SH3RF1: variants seen among roughly 807,000 people sequenced by gnomAD.
The protein encoded by SH3RF1 is E3 ubiquitin-protein ligase SH3RF1.
Under a neutral mutation model 74.0 loss-of-function variants are expected in SH3RF1, and 32 were observed. The ratio of observed to expected loss-of-function variants is 0.43; its 90% CI spans 0.33 to 0.58. The LOEUF is 0.58. SH3RF1 is among the 20% of genes least tolerant of loss of function. The pLI is 0.05. For missense variants in SH3RF1, 954 were observed against 1,130.9 expected (o/e 0.84, Z 2.24); for synonymous variants, 396 against 439.6 (o/e 0.90, Z 1.24).
chr4:169,097,895 G>A (rs771417625), intron 11 of SH3RF1, among the ~76,000 whole-genome samples: 1 of 152,198 alleles, frequency 6.6e-6, no homozygotes, highest in Admixed American at 6.5e-5. Context: ...CATGTTGTGA[G>A]GACACTCAAC....
chr4:169,103,330 T>C (rs566537846), intron 11 of SH3RF1, among the ~76,000 whole-genome samples: 1 of 152,252 alleles, frequency 6.6e-6, no homozygotes, highest in African/African-American at 2.4e-5. Context: ...TCCTACCTCA[T>C]AGTGTCCCAA....
chr4:169,206,233 T>C (rs1730254714), intron 2 of SH3RF1, among the ~76,000 whole-genome samples: 2 of 152,356 alleles, frequency 1.3e-5, no homozygotes, highest in African/African-American at 4.8e-5. Context: ...CTTCTAAATA[T>C]TTGAAAATGA....
At chr4:169,123,622 T>C (rs563300188) in intron 6 of SH3RF1, among the ~76,000 whole-genome samples, 3 of 152,340 alleles carry the variant, frequency 2.0e-5, no homozygotes, top group Admixed American at 2.0e-4. Context: ...GCAGGCGCAG[T>C]GGCTCACGCC....
chr4:169,191,145 C>T (rs185968145), intron 2 of SH3RF1, among the ~76,000 whole-genome samples: 258 of 152,132 alleles, frequency 1.7e-3, no homozygotes, highest in Non-Finnish European at 2.9e-3. Context: ...TGAAATAATT[C>T]CCTCTGAGAA....
chr4:169,147,673 G>A (rs1733915540), intron 4 of SH3RF1, among the ~76,000 whole-genome samples: 1 of 152,140 alleles, frequency 6.6e-6, no homozygotes, highest in Admixed American at 6.5e-5. Context: ...AAAAAGCAAT[G>A]TTGTTTTATA....
At chr4:169,165,637 CGG>C (rs33952582) in intron 2 of SH3RF1, among the ~76,000 whole-genome samples, 10,393 of 147,046 alleles carry the variant, frequency 0.071, 623 homozygotes, top group African/African-American at 0.17. Context: ...GAAAAAAAGG[CGG>C]GGGGGGGAGT....
intron 10 of SH3RF1, 95 bp from the exon 11 acceptor site, chr4:169,107,300 T>G (rs1386970162): frequency 8.7e-7 from 1 of 1,143,628 alleles, no homozygotes; most frequent in African/African-American, 1.6e-5. Context: ...ACTTTTTAAT[T>G]TTTAATTTTA....
At chr4:169,206,400 G>C (rs758524803) in intron 2 of SH3RF1, among the ~76,000 whole-genome samples, 1 of 152,172 alleles carries the variant, frequency 6.6e-6, no homozygotes, top group Non-Finnish European at 1.5e-5. Flanking sequence ...GGGGGAAGGG[G>C]GGTGGTTCAC....
intron 8 of SH3RF1, among the ~76,000 whole-genome samples, chr4:169,119,801 A>G (rs1004171654): frequency 5.3e-5 from 8 of 152,196 alleles, no homozygotes; most frequent in Admixed American, 1.3e-4. Flanking sequence ...TTTGTTTAAA[A>G]TCAGGCGGTT....
intron 2 of SH3RF1, among the ~76,000 whole-genome samples, chr4:169,204,724 G>T (rs1166806238): frequency 6.6e-6 from 1 of 151,812 alleles, no homozygotes; most frequent in Admixed American, 6.6e-5. Flanking sequence ...CTAATTTTTT[G>T]TATTTTAGTA....
chr4:169,136,467 A>C lies in SH3RF1; in HGVS notation c.919T>G (p.Ser307Ala). 1.9e-6 allele frequency: 3 copies of C among 1,612,544 alleles called. No individual in the cohort carries two copies. Among genetic ancestry groups the C allele is most frequent in the Non-Finnish European group, 2.5e-6 (3 of 1,179,460 alleles). Residue 307 changes from serine (S) to alanine (A), a missense_variant, in exon 5 of 12, where the codon TCC becomes GCC. This residue lies in a region of SH3RF1 where 854 missense variants were observed against 962.5 expected (regional missense o/e 0.89). Transcript: ENST00000284637. ...GAGGACTTGTTGGCCATAGTGAGGG[A>C]AGTGAAGGAGTGCCGCTTTTTGGTG... ...KNTKKRHSFT[S>A]LTMANKSSQA...
chr4:169,240,913 T>C (rs114263787), intron 2 of SH3RF1, among the ~76,000 whole-genome samples: 1 of 152,298 alleles, frequency 6.6e-6, no homozygotes, highest in African/African-American at 2.4e-5. Context: ...GGAAGCCTTT[T>C]AAGTGAAGTG....
chr4:169,226,429 G>A (rs1375657539), intron 2 of SH3RF1, among the ~76,000 whole-genome samples: 1 of 151,314 alleles, frequency 6.6e-6, no homozygotes, highest in African/African-American at 2.4e-5. Context: ...TTCCACAGCA[G>A]TGAAAAGCAA....
intron 2 of SH3RF1, among the ~76,000 whole-genome samples, chr4:169,213,676 T>A (rs1361900709): frequency 2.6e-5 from 4 of 152,252 alleles, no homozygotes; most frequent in African/African-American, 9.6e-5. Flanking sequence ...TGGTCCATTT[T>A]GAATTAATTT....
intron 2 of SH3RF1, among the ~76,000 whole-genome samples, chr4:169,161,907 C>T (rs755268716): frequency 1.3e-5 from 2 of 152,090 alleles, no homozygotes; most frequent in Admixed American, 6.6e-5. Flanking sequence ...GGGTCAGGCA[C>T]GGTAGCTCAC....
Position 169,204,550 on chromosome 4 carries a change from CTTT to C in SH3RF1, c.394-47874_394-47872del, listed in dbSNP as rs35188309. ...CTGGTTATCACATATATTACCTTCTCTTTTTTTTTTTTTTTTTTTGAGACGGAG... is the reference window on the plus strand; with the variant it reads ...CTGGTTATCACATATATTACCTTCTCTTTTTTTTTTTTTTTTGAGACGGAG... On this transcript the variant is annotated intron_variant, in intron 2 of 11. Transcript: ENST00000284637. Among the ~76,000 whole-genome samples, 98 of 114,132 alleles carry C rather than the reference CTTT, an allele frequency of 8.6e-4. 1 individual carries two copies. The highest frequency in any genetic ancestry group is 2.7e-3 in the African/African-American group (87 of 31,802). The allele number at this position is 114,132 out of a possible 152,430, so 74.9% of individuals were successfully genotyped here.
At chr4:169,264,384 T>C (rs533940175) in intron 2 of SH3RF1, among the ~76,000 whole-genome samples, 1 of 152,252 alleles carries the variant, frequency 6.6e-6, no homozygotes, top group Non-Finnish European at 1.5e-5. Flanking sequence ...ACCCCCTCTT[T>C]AAAGGTCCTA....
intron 2 of SH3RF1, among the ~76,000 whole-genome samples, chr4:169,181,975 G>A (rs1337194410): frequency 6.6e-6 from 1 of 152,126 alleles, no homozygotes; most frequent in African/African-American, 2.4e-5. Flanking sequence ...CCACCGAAAT[G>A]AAGAGAGAAA....
chr4:169,156,070 T>A lies in SH3RF1; in HGVS notation c.669+334A>T, dbSNP rs557416776. On this transcript the variant is annotated intron_variant, in intron 3 of 11. Transcript: ENST00000284637. ...TTTTACATATAAAATATGAAAGTAA[T>A]GACATTTCATTTTGTTATTCATAAT... Among the ~76,000 whole-genome samples the A allele has an allele frequency of 2.6e-5, 4 of 152,318 alleles. No homozygotes were observed. The South Asian group carries it at 8.3e-4, about 32-fold the overall frequency.
Sources: allele counts gnomAD v4.1 joint callset (sites outside exome capture counted in the v4.1 genomes callset), GRCh38; gene constraint gnomAD v4.1.1; regional missense constraint gnomAD v4.1.1; transcripts MANE v1.5; gene names NCBI Gene and HGNC (gene_info 2026-07-23, HGNC 2026-07-21).